Variants in TNPO3 observed in about 807,000 individuals in gnomAD.
TNPO3 encodes transportin-3.
Under a neutral mutation model 122.8 loss-of-function variants are expected in TNPO3, and 65 were observed. The ratio of observed to expected loss-of-function variants is 0.53; its 90% CI spans 0.43 to 0.65. The LOEUF (loss-of-function observed/expected upper bound fraction) is 0.65. Ranked by LOEUF, TNPO3 falls within the 30% of genes least tolerant of loss-of-function variation. The probability of loss-of-function intolerance (pLI) is 0.00; values close to 1 mark genes in which losing one functional copy is unlikely to be tolerated. For synonymous variants in TNPO3, 372 were observed against 411.2 expected (o/e 0.90, Z 1.15); for missense variants, 850 against 1,136.7 (o/e 0.75, Z 3.63).
chr7:128,978,204 C>A (rs974629349), intron 16 of TNPO3, among the ~76,000 whole-genome samples: 3 of 152,214 alleles, frequency 2.0e-5, no homozygotes, highest in African/African-American at 7.2e-5. Context: ...TCATACAGTT[C>A]TAGATGAGAA....
intron 1 of TNPO3, among the ~76,000 whole-genome samples, chr7:129,025,386 A>C (rs1420311047): frequency 2.3e-5 from 3 of 131,848 alleles, no homozygotes; most frequent in East Asian, 4.2e-4. Context: ...AAAAAAAAAA[A>C]AAAAAAAAAA....
At chr7:128,961,851 T>A (rs1251231793) in intron 21 of TNPO3, among the ~76,000 whole-genome samples, 1 of 152,162 alleles carries the variant, frequency 6.6e-6, no homozygotes, top group African/African-American at 2.4e-5. Flanking sequence ...AATTCCAGTA[T>A]CAATGCTTCC....
At chr7:128,975,686 T>A (rs1798978914) in intron 17 of TNPO3, 133 bp downstream of exon 17, 4 of 636,972 alleles carry the variant, frequency 6.3e-6, no homozygotes, top group Non-Finnish European at 1.1e-5. Flanking sequence ...TCCACCTCCC[T>A]GTTATTAGGA....
intron 1 of TNPO3, among the ~76,000 whole-genome samples, chr7:129,033,420 AAAAAACGAAGC>A (rs1217606795): frequency 6.6e-6 from 1 of 152,196 alleles, no homozygotes; most frequent in Non-Finnish European, 1.5e-5. Context: ...CCACTATCCA[AAAAAACGAAGC>A]AAAAAAACCT....
chr7:128,954,702 C>G lies in TNPO3; in HGVS notation c.*715G>C, dbSNP rs1236585981. On this transcript the variant is annotated 3_prime_UTR_variant, in exon 23 of 23. Coordinates refer to ENST00000265388, the MANE Select transcript of TNPO3 (RefSeq NM_012470.4). Reference sequence around the variant, plus strand: ...TCACCAATGTGACCACGATAGAAAGCAGAACAAGTTCCTTGCTTACTCCTC... The same window carrying G: ...TCACCAATGTGACCACGATAGAAAGGAGAACAAGTTCCTTGCTTACTCCTC... 1.3e-5 allele frequency: 2 copies of G among 152,676 alleles called. No individual in the cohort carries two copies. The highest frequency in any genetic ancestry group is 1.3e-4 in the Admixed American group (2 of 15,352). 9.5% of individuals were successfully genotyped at this position (152,676 alleles called of 1,614,324 possible).
intron 2 of TNPO3, among the ~76,000 whole-genome samples, chr7:129,017,623 T>C (rs889929288): frequency 1.3e-5 from 2 of 152,250 alleles, no homozygotes; most frequent in African/African-American, 2.4e-5. Context: ...ACAGATGCTC[T>C]AGTTCAACGT....
At position 129,017,910 on chromosome 7, in the gene TNPO3, A is replaced by G. The variant is rs755158750; in HGVS notation, c.321+47T>C. 17 of 1,579,462 alleles carry G rather than the reference A, an allele frequency of 1.1e-5. No homozygotes were observed. In the South Asian group the frequency reaches 1.8e-4, roughly 16 times the overall value. On this transcript the variant is annotated intron_variant, in intron 2 of 22. Transcript: ENST00000265388. ...ATACGAATTAAAACAATCCTGATAAATCCAAATGGCCATACAAATTTCTCT... is the reference window on the plus strand; with the variant it reads ...ATACGAATTAAAACAATCCTGATAAGTCCAAATGGCCATACAAATTTCTCT...
intron 10 of TNPO3, among the ~76,000 whole-genome samples, 157 bp downstream of exon 10, chr7:128,991,842 T>A (rs994837829): frequency 6.6e-6 from 1 of 152,158 alleles, no homozygotes; most frequent in African/African-American, 2.4e-5. Flanking sequence ...CAGGCTACCC[T>A]GGACTAGACT....
In TNPO3 at chr7:129,034,390, G is replaced by A. The variant is rs1244835104; in HGVS notation, c.121-16233C>T. Among the ~76,000 whole-genome samples, 7 of 152,112 alleles carry A rather than the reference G, an allele frequency of 4.6e-5. No individual in the cohort carries two copies. In the East Asian group the frequency reaches 1.3e-3, roughly 29 times the overall value. On this transcript the variant is annotated intron_variant, in intron 1 of 22. Transcript: ENST00000265388. Reference sequence around the variant, plus strand: ...TGTCTGTAGTCCCAGCTACTGGGGGGTGTGGGCAGGAACACTGAGGTGGGA... The same window carrying A: ...TGTCTGTAGTCCCAGCTACTGGGGGATGTGGGCAGGAACACTGAGGTGGGA...
chr7:128,956,242 T>C (rs972333101), intron 22 of TNPO3, among the ~76,000 whole-genome samples: 1 of 152,198 alleles, frequency 6.6e-6, no homozygotes, highest in Admixed American at 6.5e-5. Context: ...CTTTTACCTA[T>C]GAATGCATTT....
At chr7:129,041,486 A>G in intron 1 of TNPO3, 1 of 934,834 alleles carries the variant, frequency 1.1e-6, no homozygotes, top group African/African-American at 1.8e-5. Flanking sequence ...AAACAGCAGA[A>G]AAAAGGAAGG....
chr7:128,977,172 T>C (rs1295037607), intron 16 of TNPO3, among the ~76,000 whole-genome samples: 2 of 152,240 alleles, frequency 1.3e-5, no homozygotes, highest in South Asian at 2.1e-4. Context: ...TTTTGTCACA[T>C]GTACTGACTC....
At chr7:128,956,691 C>T (rs1436025602) in intron 22 of TNPO3, among the ~76,000 whole-genome samples, 2 of 152,110 alleles carry the variant, frequency 1.3e-5, no homozygotes, top group African/African-American at 2.4e-5. Context: ...TTTTTTCCTC[C>T]GAAATCCCAA....
intron 18 of TNPO3, among the ~76,000 whole-genome samples, chr7:128,974,496 T>C (rs1000700181): frequency 6.6e-6 from 1 of 152,014 alleles, no homozygotes; most frequent in African/African-American, 2.4e-5. Flanking sequence ...AAACTGATTA[T>C]ATCTAAAGGA....
intron 5 of TNPO3, among the ~76,000 whole-genome samples, chr7:129,002,939 CTGAGGCAGGAGAA>C (rs1394774716): frequency 6.8e-6 from 1 of 146,894 alleles, no homozygotes; most frequent in African/African-American, 2.5e-5. Flanking sequence ...ACTGAGGAGG[CTGAGGCAGGAGAA>C]TGGCATGAAC....
chr7:128,960,698 TAAA>T (rs905289997), intron 21 of TNPO3, among the ~76,000 whole-genome samples: 1 of 151,710 alleles, frequency 6.6e-6, no homozygotes, highest in East Asian at 1.9e-4. Context: ...GTCCAAGAGT[TAAA>T]AAAAATTTAG....
intron 19 of TNPO3, 135 bp from the exon 20 acceptor site, chr7:128,970,450 G>A: frequency 2.9e-6 from 2 of 681,474 alleles, no homozygotes; most frequent in African/African-American, 1.8e-5. Flanking sequence ...GTGTGTGTGT[G>A]TATGCAGGTG....
intron 1 of TNPO3, among the ~76,000 whole-genome samples, chr7:129,047,456 A>G (rs1473684809): frequency 3.3e-5 from 5 of 152,362 alleles, no homozygotes; most frequent in African/African-American, 1.2e-4. Context: ...TGAAGTTATC[A>G]GTGATATCTA....
At chr7:128,992,960 G>A (rs1386140972) in intron 9 of TNPO3, among the ~76,000 whole-genome samples, 1 of 151,592 alleles carries the variant, frequency 6.6e-6, no homozygotes, top group East Asian at 1.9e-4. Flanking sequence ...AATCTGAGCA[G>A]AGGTCATCTG....
Sources: allele counts gnomAD v4.1 joint callset (sites outside exome capture counted in the v4.1 genomes callset), GRCh38; gene constraint gnomAD v4.1.1; transcripts MANE v1.5; gene names NCBI Gene and HGNC (gene_info 2026-07-23, HGNC 2026-07-21).